The following RAD54B variants were observed in gnomAD, a reference collection of about 807,000 sequenced individuals.
RAD54B encodes RAD54 homolog B.
In RAD54B, 78 loss-of-function variants were observed where a neutral mutation model predicts 95.8. The ratio of observed to expected loss-of-function variants is 0.81; its 90% CI spans 0.68 to 0.98. RAD54B has a LOEUF of 0.98. RAD54B is among the 50% of genes least tolerant of loss of function. RAD54B has a pLI of 0.00. For synonymous variants in RAD54B, 328 were observed against 354.9 expected (o/e 0.92, Z 0.85); for missense variants, 957 against 1,056.6 (o/e 0.91, Z 1.31).
chr8:94,452,535 C>CTCTG (rs1554609805), intron 3 of RAD54B, among the ~76,000 whole-genome samples: 4 of 151,620 alleles, frequency 2.6e-5, no homozygotes, highest in Non-Finnish European at 4.4e-5. Context: ...AGAGTCTGCA[C>CTCTG]TCACCCAGGC....
At chr8:94,412,940 T>A (rs563441492) in intron 3 of RAD54B, among the ~76,000 whole-genome samples, 16 of 152,132 alleles carry the variant, frequency 1.1e-4, no homozygotes, top group Non-Finnish European at 2.1e-4. Context: ...AAAAATAAAA[T>A]TTTTTAAATT....
rs1337704682 is a variant in RAD54B, at chr8:94,404,298, T to C, written c.782-59A>G. 12 of 1,419,194 alleles carry C rather than the reference T, an allele frequency of 8.5e-6. No individual in the cohort carries two copies. The East Asian group carries it at 2.7e-4, about 32-fold the overall frequency. The allele number at this position is 1,419,194 out of a possible 1,614,324, so 87.9% of individuals were successfully genotyped here. On this transcript the variant is annotated intron_variant, in intron 5 of 14. Coordinates refer to ENST00000336148, the MANE Select transcript of RAD54B (RefSeq NM_012415.3). The stretch of plus-strand genomic sequence containing the variant: ...TTCACTTTTTCAGCAACCAACATTA[T>C]CTTGTTTTCATTACCCTAAGATAGA...
At chr8:94,421,070 C>T (rs1402970873) in intron 3 of RAD54B, among the ~76,000 whole-genome samples, 1 of 152,098 alleles carries the variant, frequency 6.6e-6, no homozygotes, top group Non-Finnish European at 1.5e-5. Context: ...ACACTCCCAC[C>T]CCCACACTGC....
chr8:94,469,790 A>G (rs1813122952), intron 1 of RAD54B, among the ~76,000 whole-genome samples: 1 of 152,210 alleles, frequency 6.6e-6, no homozygotes. Flanking sequence ...AATGAATGAA[A>G]TCTGGCAATT....
At chr8:94,472,915 C>CA (rs1813204313) in intron 1 of RAD54B, among the ~76,000 whole-genome samples, 2 of 152,048 alleles carry the variant, frequency 1.3e-5, no homozygotes. Flanking sequence ...ATAATGCAAG[C>CA]ATACAACCAT....
At chr8:94,445,555 T>A (rs1812502450) in intron 3 of RAD54B, among the ~76,000 whole-genome samples, 1 of 152,212 alleles carries the variant, frequency 6.6e-6, no homozygotes, top group Non-Finnish European at 1.5e-5. Context: ...TTGTCTTGAT[T>A]TTTTTATTCA....
intron 6 of RAD54B, among the ~76,000 whole-genome samples, chr8:94,403,732 T>C (rs1318613556): frequency 6.6e-6 from 1 of 152,122 alleles, no homozygotes; most frequent in Admixed American, 6.6e-5. Context: ...CACTTGCTCT[T>C]ATGACCCTTT....
At chr8:94,462,321 AT>A (rs1265496038) in intron 2 of RAD54B, among the ~76,000 whole-genome samples, 32 of 152,176 alleles carry the variant, frequency 2.1e-4, no homozygotes, top group African/African-American at 7.7e-4. Context: ...CAAATATCCT[AT>A]TTCCTCATTG....
intron 1 of RAD54B, among the ~76,000 whole-genome samples, 163 bp from the exon 2 acceptor site, chr8:94,467,718 A>C (rs1563668244): frequency 6.6e-6 from 1 of 152,238 alleles, no homozygotes; most frequent in Non-Finnish European, 1.5e-5. Flanking sequence ...CAGTTCCTTC[A>C]AAGGAAATTC....
chr8:94,420,036 G>A (rs375827279), intron 3 of RAD54B, among the ~76,000 whole-genome samples: 16 of 152,094 alleles, frequency 1.1e-4, no homozygotes, highest in African/African-American at 3.9e-4. Context: ...TGCAGTACAG[G>A]TTTACAGTCT....
Position 94,407,724 on chromosome 8 carries a change from TAAG to T in RAD54B, c.500-7_500-5del, listed in dbSNP as rs1345906804. The T allele has an allele frequency of 6.2e-7, 1 of 1,601,828 alleles. No homozygotes were observed. Among genetic ancestry groups the T allele is most frequent in the Non-Finnish European group, 8.5e-7 (1 of 1,173,390 alleles). Reference sequence around the variant, plus strand: ...TCTTTGAATTTATAACCAATGCCTTTAAGTTAAGAAAGAAAAAAATTAATTGAC... The same window carrying T: ...TCTTTGAATTTATAACCAATGCCTTTTTAAGAAAGAAAAAAATTAATTGAC... On this transcript the variant is annotated splice_polypyrimidine_tract_variant and splice_region_variant and intron_variant, in intron 4 of 14. Transcript: ENST00000336148.
chr8:94,463,181 CAAAT>C (rs113925345), intron 2 of RAD54B, among the ~76,000 whole-genome samples: 48,439 of 147,042 alleles, frequency 0.33, 8,078 homozygotes, highest in East Asian at 0.43. Flanking sequence ...ATCTCAAAAA[CAAAT>C]AAATAAATAA....
At chr8:94,467,675 G>A in intron 1 of RAD54B, 120 bp from the exon 2 acceptor site, 1 of 973,146 alleles carries the variant, frequency 1.0e-6, no homozygotes, top group South Asian at 2.2e-5. Flanking sequence ...GGCCTGCCTG[G>A]CCCCCCAAGC....
chr8:94,404,108 T>C lies in RAD54B; in HGVS notation c.913A>G (p.Ile305Val). 1.2e-6 allele frequency: 2 copies of C among 1,606,648 alleles called. No homozygotes were observed. Among genetic ancestry groups the C allele is most frequent in the Non-Finnish European group, 1.7e-6 (2 of 1,175,870 alleles). ...HLRPHQKEGI[I>V]FLYECVMGMR... is the part of the protein sequence containing the mutation. ...CCCATTACACATTCATAAAGGAATA[T>C]GATTCCTTCTTTCTGATGTGGTCGA... is the stretch of plus-strand genomic sequence containing the variant. The change falls in exon 6 of 15, where the codon ATA becomes GTA. Residue 305 changes from isoleucine to valine, a missense_variant. Physicochemically the swap from Ile to Val is conservative, Grantham distance 29. Coordinates refer to ENST00000336148, the MANE Select transcript of RAD54B (RefSeq NM_012415.3).
chr8:94,393,330 G>A (rs1228241517), intron 9 of RAD54B: 1 of 158,040 alleles, frequency 6.3e-6, no homozygotes, highest in African/African-American at 2.4e-5. Flanking sequence ...TCCAAGTTGG[G>A]GAGGTGGTAT....
chr8:94,414,674 G>T (rs1238532618), intron 3 of RAD54B, among the ~76,000 whole-genome samples: 1 of 152,052 alleles, frequency 6.6e-6, no homozygotes, highest in Non-Finnish European at 1.5e-5. Flanking sequence ...AAAGTCTCAG[G>T]ATACAAAATC....
intron 14 of RAD54B, among the ~76,000 whole-genome samples, chr8:94,373,552 G>A (rs67639046): frequency 2.0e-5 from 3 of 152,066 alleles, no homozygotes; most frequent in African/African-American, 4.8e-5. Flanking sequence ...CAAATGGATG[G>A]AAGAGCTCCA....
chr8:94,399,430 T>C lies in RAD54B; in HGVS notation c.1362A>G (p.Lys454=). 3.7e-6 allele frequency: 6 copies of C among 1,613,320 alleles called. No homozygotes were observed. Among genetic ancestry groups the C allele is most frequent in the Non-Finnish European group, 5.1e-6 (6 of 1,179,530 alleles). Residue 454 remains lysine, a synonymous_variant, in exon 8 of 15, where the codon AAA becomes AAG. Coordinates refer to ENST00000336148, the MANE Select transcript of RAD54B (RefSeq NM_012415.3). ...TTALISLSCE[K]RIILTGTPIQ... ...AATACTGACCAGTTAGAATTATTCT[T>C]TTCTCACAAGAAAGGCTAATGAGGG...
Position 94,475,005 on chromosome 8 carries a change from G to GA in RAD54B, c.-22dup, listed in dbSNP as rs1183204075. 2 of 152,506 alleles carry GA rather than the reference G, an allele frequency of 1.3e-5. No individual in the cohort carries two copies. Among genetic ancestry groups the GA allele is most frequent in the East Asian group, 3.9e-4 (2 of 5,178 alleles). The allele number at this position is 152,506 out of a possible 1,614,324, so 9.4% of individuals were successfully genotyped here. A position where few individuals can be genotyped will look rare whatever the true frequency, so the allele number is the denominator to read the frequency against. ...GCTTCCCCCTGCAGGACGCACCGGC[G>GA]AAAATCTGACAGAAACCACTGGCCC... On this transcript the variant is annotated 5_prime_UTR_variant, in exon 1 of 15. Coordinates refer to ENST00000336148, the MANE Select transcript of RAD54B (RefSeq NM_012415.3).
Sources: allele counts gnomAD v4.1 joint callset (sites outside exome capture counted in the v4.1 genomes callset), GRCh38; gene constraint gnomAD v4.1.1; transcripts MANE v1.5; gene names NCBI Gene and HGNC (gene_info 2026-07-23, HGNC 2026-07-21).